PCCA: variants seen among roughly 807,000 people sequenced by gnomAD.
The protein encoded by PCCA is propionyl-CoA carboxylase subunit alpha.
PCCA carries 74 observed loss-of-function variants against 101.3 expected under a neutral mutation model. The observed-to-expected ratio is 0.73, with a 90% confidence interval of 0.61 to 0.89. The LOEUF (loss-of-function observed/expected upper bound fraction) is 0.89. PCCA is among the 40% of genes least tolerant of loss of function. PCCA has a pLI of 0.00. For missense variants in PCCA, 891 were observed against 907.0 expected (o/e 0.98, Z 0.23); for synonymous variants, 294 against 313.6 (o/e 0.94, Z 0.66).
intron 6 of PCCA, among the ~76,000 whole-genome samples, chr13:100,191,757 T>C (rs2057759356): frequency 6.6e-6 from 1 of 152,224 alleles, no homozygotes; most frequent in African/African-American, 2.4e-5. Flanking sequence ...GGTGATAACA[T>C]ACACCCAAGG....
intron 18 of PCCA, among the ~76,000 whole-genome samples, chr13:100,365,703 G>A (rs577674621): frequency 6.6e-6 from 1 of 152,324 alleles, no homozygotes; most frequent in Non-Finnish European, 1.5e-5. Context: ...AGAGGTTTCA[G>A]TTATAGGGGA....
chr13:100,180,007 A>G (rs1350322939), intron 6 of PCCA, among the ~76,000 whole-genome samples: 6 of 152,098 alleles, frequency 3.9e-5, no homozygotes, highest in East Asian at 1.9e-4. Context: ...GTGGTACAAG[A>G]TGAGGTTGAA....
In PCCA at chr13:100,263,798, CAT is replaced by C. The variant is rs1464328176; in HGVS notation, c.819+973_819+974del. Among the ~76,000 whole-genome samples, 544 of 148,912 alleles carry C rather than the reference CAT, an allele frequency of 3.7e-3. 4 individuals carry two copies. The highest frequency in any genetic ancestry group is 0.013 in the African/African-American group (521 of 40,710). On this transcript the variant is annotated intron_variant, in intron 10 of 23. Transcript: ENST00000376285. ...TATCATATATACGGTATCTGTATAT[CAT>C]ATATACAGTATCTGTATATCATATA...
At chr13:100,325,041 G>A (rs1007788623) in intron 16 of PCCA, among the ~76,000 whole-genome samples, 1 of 152,086 alleles carries the variant, frequency 6.6e-6, no homozygotes, top group Non-Finnish European at 1.5e-5. Context: ...ATGGTAGATT[G>A]AGGTCTGCAG....
intron 4 of PCCA, among the ~76,000 whole-genome samples, chr13:100,125,484 T>C (rs1412947221): frequency 3.3e-5 from 5 of 152,246 alleles, no homozygotes; most frequent in Non-Finnish European, 7.3e-5. Context: ...TGGTTTTGAA[T>C]CTGGGAGTCT....
chr13:100,132,326 C>T (rs373972198), intron 4 of PCCA, among the ~76,000 whole-genome samples: 3 of 6,478 alleles, frequency 4.6e-4, no homozygotes, highest in African/African-American at 4.5e-4. Flanking sequence ...CTTGTGTATC[C>T]CATTAGTGTC....
In PCCA at chr13:100,089,104, G is replaced by A. The variant is rs1024921749; in HGVS notation, c.-17G>A. The stretch of plus-strand genomic sequence containing the variant: ...CTGTGTGAGAGGTCAGCAGAGGGGC[G>A]GTCTGCGGGGACAACAATGGCGGGG... On this transcript the variant is annotated 5_prime_UTR_variant, in exon 1 of 24. Transcript: ENST00000376285. 3 of 1,474,480 alleles carry A rather than the reference G, an allele frequency of 2.0e-6. No individual in the cohort carries two copies. Among genetic ancestry groups the A allele is most frequent in the Non-Finnish European group, 1.8e-6 (2 of 1,107,264 alleles). The allele number at this position is 1,474,480 out of a possible 1,614,324, so 91.3% of individuals were successfully genotyped here.
intron 6 of PCCA, among the ~76,000 whole-genome samples, chr13:100,159,477 G>A (rs1211706301): frequency 6.6e-6 from 1 of 152,124 alleles, no homozygotes; most frequent in Non-Finnish European, 1.5e-5. Context: ...GCAGAATGCT[G>A]CAGTCCATGG....
At chr13:100,261,067 T>C (rs2062471236) in intron 9 of PCCA, among the ~76,000 whole-genome samples, 1 of 152,098 alleles carries the variant, frequency 6.6e-6, no homozygotes. Context: ...GTACATTAAA[T>C]ACAGACATTT....
intron 18 of PCCA, among the ~76,000 whole-genome samples, chr13:100,352,563 A>G (rs2073404527): frequency 6.6e-6 from 1 of 151,450 alleles, no homozygotes; most frequent in South Asian, 2.1e-4. Context: ...TTGGCTATAT[A>G]TATATTTTTA....
intron 22 of PCCA, chr13:100,527,155 C>A: frequency 2.8e-6 from 1 of 360,960 alleles, no homozygotes; most frequent in South Asian, 2.2e-5. Context: ...ACAATTTAGC[C>A]CTTTAACGTG....
intron 21 of PCCA, among the ~76,000 whole-genome samples, chr13:100,457,418 T>C (rs2081826275): frequency 6.6e-6 from 1 of 152,186 alleles, no homozygotes. Context: ...ATTTCATAGA[T>C]GCTGATAGAA....
At position 100,155,053 on chromosome 13, in the gene PCCA, T is replaced by C. The variant is rs768203397; in HGVS notation, c.375T>C (p.Asp125=). 6.2e-7 allele frequency: 1 copy of C among 1,613,948 alleles called. No homozygotes were observed. The highest frequency in any genetic ancestry group is 1.1e-5 in the South Asian group (1 of 91,070). ...CCAGTAAAAGCTACCTCAACATGGA[T>C]GCCATCATGGAAGCCATTAAGAAAA... is the stretch of plus-strand genomic sequence containing the variant. ...APTSKSYLNM[D]AIMEAIKKTR... is the part of the protein sequence containing the mutation. Residue 125 remains aspartate, a synonymous_variant, in exon 5 of 24, where the codon GAT becomes GAC. Coordinates refer to ENST00000376285, the MANE Select transcript of PCCA (RefSeq NM_000282.4).
At chr13:100,115,153 G>A (rs1044988413) in intron 4 of PCCA, among the ~76,000 whole-genome samples, 3 of 152,174 alleles carry the variant, frequency 2.0e-5, no homozygotes, top group Non-Finnish European at 4.4e-5. Flanking sequence ...GACATGTTAA[G>A]TGAAATAAGC....
At chr13:100,256,506 A>T (rs931682831) in intron 8 of PCCA, among the ~76,000 whole-genome samples, 1 of 152,306 alleles carries the variant, frequency 6.6e-6, no homozygotes, top group African/African-American at 2.4e-5. Context: ...ATACCAGCCC[A>T]TATAAACATC....
At chr13:100,383,021 A>C (rs1423761101) in intron 19 of PCCA, among the ~76,000 whole-genome samples, 2 of 152,118 alleles carry the variant, frequency 1.3e-5, no homozygotes, top group Non-Finnish European at 2.9e-5. Flanking sequence ...ATTTTTTAGT[A>C]TATATAAGCC....
chr13:100,370,898 G>A (rs937062100), intron 19 of PCCA, among the ~76,000 whole-genome samples: 2 of 152,078 alleles, frequency 1.3e-5, no homozygotes, highest in Non-Finnish European at 2.9e-5. Context: ...GACAAGCCAG[G>A]TCTGGGTTAA....
intron 18 of PCCA, among the ~76,000 whole-genome samples, chr13:100,356,154 C>T (rs1245635057): frequency 4.6e-5 from 7 of 152,078 alleles, no homozygotes; most frequent in Non-Finnish European, 1.0e-4. Context: ...GTGCATACAA[C>T]AAAATTCTTA....
At chr13:100,435,770 G>A (rs111678573) in intron 20 of PCCA, among the ~76,000 whole-genome samples, 1 of 152,164 alleles carries the variant, frequency 6.6e-6, no homozygotes, top group African/African-American at 2.4e-5. Flanking sequence ...GCGGCCAGGT[G>A]TGGTGGCTCA....
Sources: gnomAD v4.1 joint callset for allele counts (sites outside exome capture counted in the v4.1 genomes callset) on GRCh38, gnomAD v4.1.1 for gene constraint, MANE v1.5 for transcripts, NCBI Gene and HGNC (gene_info 2026-07-23, HGNC 2026-07-21) for gene names.